Variants in RRM1 observed in about 807,000 individuals in gnomAD.
RRM1 encodes the protein ribonucleoside-diphosphate reductase large subunit.
In RRM1, 19 loss-of-function variants were observed where a neutral mutation model predicts 101.5. The observed-to-expected ratio is 0.19, with a 90% confidence interval of 0.13 to 0.27. RRM1 has a LOEUF of 0.27. Ranked by LOEUF, RRM1 falls within the 10% of genes least tolerant of loss-of-function variation. The pLI is 1.00. For synonymous variants in RRM1, 298 were observed against 323.4 expected (o/e 0.92, Z 0.84); for missense variants, 500 against 962.9 (o/e 0.52, Z 6.36).
intron 15 of RRM1, among the ~76,000 whole-genome samples, chr11:4,129,601 T>C (rs1169889587): frequency 1.7e-5 from 2 of 114,754 alleles, no homozygotes; most frequent in Non-Finnish European, 3.7e-5. Context: ...GTAATGTGTT[T>C]AGACTATATG....
intron 4 of RRM1, 54 bp downstream of exon 4, chr11:4,107,589 C>A: frequency 9.0e-7 from 1 of 1,110,232 alleles, no homozygotes; most frequent in Non-Finnish European, 1.4e-6. Context: ...TTTAATAATG[C>A]ACACATTTTA....
intron 11 of RRM1, 38 bp from the exon 12 acceptor site, chr11:4,123,145 G>T: frequency 1.3e-6 from 2 of 1,490,482 alleles, no homozygotes; most frequent in South Asian, 1.3e-5. Context: ...AGTTTTTTTA[G>T]GGAATATATA....
chr11:4,096,261 C>T (rs918166390), intron 1 of RRM1, among the ~76,000 whole-genome samples: 8 of 152,200 alleles, frequency 5.3e-5, no homozygotes, highest in Non-Finnish European at 1.2e-4. Context: ...TTCCTGGCCT[C>T]AAACCATCCT....
intron 7 of RRM1, among the ~76,000 whole-genome samples, chr11:4,115,321 A>G (rs1413074942): frequency 6.6e-6 from 1 of 152,118 alleles, no homozygotes; most frequent in Non-Finnish European, 1.5e-5. Flanking sequence ...TGGGCCCTTA[A>G]TCCAATCAAA....
chr11:4,120,977 A>AC (rs1486241238), intron 9 of RRM1, among the ~76,000 whole-genome samples: 1 of 152,184 alleles, frequency 6.6e-6, no homozygotes, highest in African/African-American at 2.4e-5. Context: ...CCGAGATTAT[A>AC]CCACTGCACT....
At chr11:4,108,818 T>C (rs993736402) in intron 4 of RRM1, among the ~76,000 whole-genome samples, 2 of 152,112 alleles carry the variant, frequency 1.3e-5, no homozygotes, top group Non-Finnish European at 2.9e-5. Context: ...ATATTCACAC[T>C]GGGCCCATAC....
chr11:4,112,536 G>A (rs976084836), intron 7 of RRM1, among the ~76,000 whole-genome samples: 4 of 152,002 alleles, frequency 2.6e-5, no homozygotes, highest in African/African-American at 9.7e-5. Flanking sequence ...GCCAATTTTT[G>A]TATTTTTAGT....
In RRM1 at chr11:4,138,670, G is replaced by C. The variant is rs1030617845; in HGVS notation, c.*287G>C. On this transcript the variant is annotated 3_prime_UTR_variant, in exon 19 of 19. Transcript: ENST00000300738. Reference sequence around the variant, plus strand: ...TGCAAAATAAGTCATCTTGCATACAGGGAGTGGTTAAGTAAGGTTTCATCA... The same window carrying C: ...TGCAAAATAAGTCATCTTGCATACACGGAGTGGTTAAGTAAGGTTTCATCA... The C allele has an allele frequency of 3.8e-6, 1 of 261,176 alleles. No homozygotes were observed. Among genetic ancestry groups the C allele is most frequent in the African/African-American group, 2.2e-5 (1 of 46,082 alleles). The allele number at this position is 261,176 out of a possible 1,614,324, so 16.2% of individuals were successfully genotyped here.
intron 18 of RRM1, chr11:4,137,060 A>C (rs368379484): frequency 4.7e-6 from 1 of 214,134 alleles, no homozygotes; most frequent in Non-Finnish European, 9.0e-6. Context: ...GACACAGCAC[A>C]TGTTTCAGAG....
intron 7 of RRM1, chr11:4,116,403 C>A (rs1003194107): frequency 6.6e-6 from 1 of 152,204 alleles, no homozygotes; most frequent in Admixed American, 6.5e-5. Flanking sequence ...ACCAGCCTGG[C>A]CAACATGGCG....
chr11:4,111,343 A>G (rs10835632), intron 5 of RRM1, among the ~76,000 whole-genome samples: 77,269 of 150,880 alleles, frequency 0.51, 20,289 homozygotes, highest in Non-Finnish European at 0.58. Context: ...CCCGGGAGGC[A>G]GAGCTTGCAG....
At position 4,094,948 on chromosome 11, in the gene RRM1, T is replaced by G; in HGVS notation, c.-65T>G. On this transcript the variant is annotated 5_prime_UTR_variant, in exon 1 of 19. Coordinates refer to ENST00000300738, the MANE Select transcript of RRM1 (RefSeq NM_001033.5). Reference sequence around the variant, plus strand: ...CCTTCCCACTCTGTCACCTTCTCGATCCCGCCGGCGCTTTAGAGCCGCAGT... The same window carrying G: ...CCTTCCCACTCTGTCACCTTCTCGAGCCCGCCGGCGCTTTAGAGCCGCAGT... 1 of 1,542,426 alleles carries G rather than the reference T, an allele frequency of 6.5e-7. No individual in the cohort carries two copies. Among genetic ancestry groups the G allele is most frequent in the Non-Finnish European group, 8.8e-7 (1 of 1,138,758 alleles).
chr11:4,131,339 A>T (rs2094599880), intron 15 of RRM1, among the ~76,000 whole-genome samples: 1 of 152,226 alleles, frequency 6.6e-6, no homozygotes, highest in Non-Finnish European at 1.5e-5. Flanking sequence ...TATGGGAACT[A>T]CAGTTCAAGA....
At position 4,131,615 on chromosome 11, in the gene RRM1, G is replaced by A. The variant is rs116690984; in HGVS notation, c.1770-671G>A. On this transcript the variant is annotated intron_variant, in intron 15 of 18. Transcript: ENST00000300738. ...TGATGAGGAAAGATGTTTTAAAATT[G>A]CTATCAATTAGGCTGAGCTTTGAAG... 7.1e-3 allele frequency among the ~76,000 whole-genome samples: 1,075 copies of A among 152,344 alleles called. 21 individuals carry two copies. The highest frequency in any genetic ancestry group is 0.024 in the African/African-American group (1,017 of 41,574).
chr11:4,122,389 T>G (rs2094583058), intron 11 of RRM1, among the ~76,000 whole-genome samples, 169 bp downstream of exon 11: 1 of 152,222 alleles, frequency 6.6e-6, no homozygotes, highest in African/African-American at 2.4e-5. Flanking sequence ...AAAATTGAGT[T>G]GTGTCTTCTT....
chr11:4,112,718 T>C lies in RRM1; in HGVS notation c.650+656T>C, dbSNP rs533913365. 2.0e-4 allele frequency among the ~76,000 whole-genome samples: 31 copies of C among 152,228 alleles called. No homozygotes were observed. The South Asian group carries it at 5.2e-3, about 25-fold the overall frequency. ...AAAGAAGGTAAGTGCCAAGAACTAG[T>C]TAGGGGACTCTTATAGCAGTTTATA... is the stretch of plus-strand genomic sequence containing the variant. On this transcript the variant is annotated intron_variant, in intron 7 of 18. Coordinates refer to ENST00000300738, the MANE Select transcript of RRM1 (RefSeq NM_001033.5).
intron 10 of RRM1, 70 bp from the exon 11 acceptor site, chr11:4,122,071 C>T (rs1446262258): frequency 1.7e-6 from 2 of 1,163,810 alleles, no homozygotes; most frequent in Non-Finnish European, 2.5e-6. Context: ...CTTATGCTTG[C>T]AGTGTTTCTA....
intron 11 of RRM1, 47 bp from the exon 12 acceptor site, chr11:4,123,136 G>T: frequency 6.9e-7 from 1 of 1,449,356 alleles, no homozygotes; most frequent in Non-Finnish European, 9.4e-7. Context: ...CTACAATAAA[G>T]TTTTTTTAGG....
chr11:4,103,409 A>G (rs1219668757), intron 2 of RRM1, among the ~76,000 whole-genome samples: 1 of 152,218 alleles, frequency 6.6e-6, no homozygotes, highest in East Asian at 1.9e-4. Flanking sequence ...AGAAAGTTCC[A>G]AAGAGAGAGG....
Sources: allele counts gnomAD v4.1 joint callset (sites outside exome capture counted in the v4.1 genomes callset), GRCh38; gene constraint gnomAD v4.1.1; transcripts MANE v1.5; gene names NCBI Gene and HGNC (gene_info 2026-07-23, HGNC 2026-07-21).